SLC25A19: variants seen among roughly 807,000 people sequenced by gnomAD.
The protein encoded by SLC25A19 is mitochondrial thiamine pyrophosphate carrier.
A neutral mutation model predicts 27.9 loss-of-function variants in SLC25A19; 18 were observed. The ratio of observed to expected loss-of-function variants is 0.64; its 90% CI spans 0.45 to 0.96. The LOEUF (loss-of-function observed/expected upper bound fraction) is 0.96, where lower values mean the gene tolerates loss of function less well. SLC25A19 is among the 40% of genes least tolerant of loss of function. The pLI, the probability that SLC25A19 is intolerant of heterozygous loss-of-function variation, is 0.00. For synonymous variants in SLC25A19, 169 were observed against 167.1 expected (o/e 1.01, Z -0.09); for missense variants, 371 against 418.3 (o/e 0.89, Z 0.99).
chr17:75,277,649 G>C (rs898937227), intron 6 of SLC25A19, among the ~76,000 whole-genome samples, 166 bp from the exon 7 acceptor site: 7 of 152,130 alleles, frequency 4.6e-5, no homozygotes, highest in Admixed American at 2.0e-4. Context: ...TGTAATCTAG[G>C]GGGAGAAGAG....
intron 5 of SLC25A19, 25 bp from the exon 6 acceptor site, chr17:75,278,360 T>C (rs751690082): frequency 1.2e-6 from 2 of 1,613,804 alleles, no homozygotes; most frequent in South Asian, 2.2e-5. Flanking sequence ...GCACTTTGAA[T>C]GAGCTCAGTG....
chr17:75,286,835 C>T, intron 2 of SLC25A19, 33 bp from the exon 3 acceptor site: 1 of 1,598,378 alleles, frequency 6.3e-7, no homozygotes. Flanking sequence ...AAACACCAGG[C>T]AAGTTTCTTA....
In SLC25A19 at chr17:75,273,132, T is replaced by C. The variant is rs761864925; in HGVS notation, c.*319A>G. 7.4e-6 allele frequency: 3 copies of C among 402,988 alleles called. No homozygotes were observed. Among genetic ancestry groups the C allele is most frequent in the Non-Finnish European group, 1.4e-5 (3 of 213,502 alleles). 25.0% of individuals were successfully genotyped at this position (402,988 alleles called of 1,614,324 possible). The stretch of plus-strand genomic sequence containing the variant: ...AGACCAGGAGTGTGTTCTGTTCTCC[T>C]GGCAGGCAGGGCTGATAGGTGTAGG... On this transcript the variant is annotated 3_prime_UTR_variant, in exon 8 of 8. Transcript: ENST00000416858.
intron 5 of SLC25A19, among the ~76,000 whole-genome samples, chr17:75,282,825 C>T (rs11656257): frequency 0.94 from 141,623 of 151,354 alleles, 66,757 homozygotes; most frequent in Non-Finnish European, 1. Context: ...CACTCCAGCC[C>T]GGGCGACAGA....
chr17:75,286,394 A>G lies in SLC25A19; in HGVS notation c.198T>C (p.Ser66=), dbSNP rs1253061550. ...GACCCTCCTCCTGCAGAATCTGCCT[A>G]GAGGCCTGGAGGATGCCATGGTACT... The part of the protein sequence containing the change: ...SAKYHGILQA[S]RQILQEEGPT... Residue 66 remains serine, a synonymous_variant, in exon 4 of 8, where the codon TCT becomes TCC. Coordinates refer to ENST00000416858, the MANE Select transcript of SLC25A19 (RefSeq NM_001126121.2). 3 of 1,614,096 alleles carry G rather than the reference A, an allele frequency of 1.9e-6. No individual in the cohort carries two copies.
chr17:75,286,367 C>T lies in SLC25A19; in HGVS notation c.225G>A (p.Pro75=), dbSNP rs150239035. ...GGACGTGTCCTTTCCAGAAAGCTGT[C>T]GGACCCTCCTCCTGCAGAATCTGCC... ...ASRQILQEEG[P]TAFWKGHVPA... is the part of the protein sequence containing the mutation. Residue 75 remains proline (P), a synonymous_variant, in exon 4 of 8, where the codon CCG becomes CCA. Coordinates refer to ENST00000416858, the MANE Select transcript of SLC25A19 (RefSeq NM_001126121.2). The T allele has an allele frequency of 1.7e-5, 28 of 1,614,012 alleles. No individual in the cohort carries two copies. The highest frequency in any genetic ancestry group is 3.3e-4 in the Middle Eastern group (2 of 6,084).
chr17:75,283,143 CA>C (rs1004930302), intron 5 of SLC25A19, among the ~76,000 whole-genome samples: 51 of 149,444 alleles, frequency 3.4e-4, no homozygotes, highest in African/African-American at 1.2e-3. Flanking sequence ...ACTAAAAATA[CA>C]AAAAAAATTA....
At chr17:75,286,836 A>C in intron 2 of SLC25A19, 34 bp from the exon 3 acceptor site, 1 of 1,596,782 alleles carries the variant, frequency 6.3e-7, no homozygotes, top group Non-Finnish European at 8.6e-7. Flanking sequence ...AACACCAGGC[A>C]AGTTTCTTAT....
chr17:75,279,505 T>TC (rs1454402362), intron 5 of SLC25A19, among the ~76,000 whole-genome samples: 1 of 112,764 alleles, frequency 8.9e-6, no homozygotes, highest in Non-Finnish European at 1.8e-5. Flanking sequence ...TATGCTATTA[T>TC]CTTTTTTTTT....
intron 5 of SLC25A19, among the ~76,000 whole-genome samples, chr17:75,281,373 C>T (rs1310362316): frequency 6.6e-6 from 1 of 152,150 alleles, no homozygotes; most frequent in Non-Finnish European, 1.5e-5. Context: ...TATCCCATTT[C>T]CACCAGCCCA....
chr17:75,286,636 G>A lies in SLC25A19; in HGVS notation c.129C>T (p.Phe43=), dbSNP rs1390378417. ...ISPFDVIKIR[F]QLQHERLSRS... ...CATGGAAAAAGGGGAAGAGTACCTG[G>A]AAACGGATCTTGATGACGTCGAAGG... is the stretch of plus-strand genomic sequence containing the variant. The change falls in exon 3 of 8, where the codon TTC becomes TTT. Residue 43 remains phenylalanine (F), a synonymous_variant. Coordinates refer to ENST00000416858, the MANE Select transcript of SLC25A19 (RefSeq NM_001126121.2). The A allele has an allele frequency of 6.2e-7, 1 of 1,614,182 alleles. No individual in the cohort carries two copies. The highest frequency in any genetic ancestry group is 8.5e-7 in the Non-Finnish European group (1 of 1,180,048).
intron 4 of SLC25A19, among the ~76,000 whole-genome samples, chr17:75,284,932 C>G (rs937873072): frequency 1.3e-5 from 2 of 150,972 alleles, no homozygotes; most frequent in East Asian, 3.9e-4. Flanking sequence ...CATGAGCCAC[C>G]GAGCTTGGCC....
chr17:75,278,870 C>A (rs1420030579), intron 5 of SLC25A19, among the ~76,000 whole-genome samples: 3 of 151,866 alleles, frequency 2.0e-5, no homozygotes, highest in African/African-American at 7.3e-5. Context: ...GTAATCCCAG[C>A]TTCTTGGGAG....
In SLC25A19 at chr17:75,273,220, T is replaced by C. The variant is rs1239958020; in HGVS notation, c.*231A>G. 3.6e-6 allele frequency: 2 copies of C among 562,882 alleles called. No homozygotes were observed. The highest frequency in any genetic ancestry group is 3.0e-5 in the East Asian group (1 of 32,940). 34.9% of individuals were successfully genotyped at this position (562,882 alleles called of 1,614,324 possible). On this transcript the variant is annotated 3_prime_UTR_variant, in exon 8 of 8. Coordinates refer to ENST00000416858, the MANE Select transcript of SLC25A19 (RefSeq NM_001126121.2). ...GGAGAAACAGCAACTTCCTGCTCCT[T>C]CTCACTGTGTCGTTGGCTCACCATA...
intron 4 of SLC25A19, among the ~76,000 whole-genome samples, chr17:75,285,455 G>A (rs1472915596): frequency 1.3e-5 from 2 of 152,166 alleles, no homozygotes; most frequent in Admixed American, 6.5e-5. Context: ...GTATTTATTC[G>A]TCATGCTGCA....
intron 5 of SLC25A19, among the ~76,000 whole-genome samples, chr17:75,282,048 C>T (rs1359423983): frequency 6.8e-6 from 1 of 147,210 alleles, no homozygotes; most frequent in Admixed American, 6.7e-5. Context: ...GGCGGGCAGA[C>T]GGCTTGAGCT....
intron 2 of SLC25A19, 57 bp from the exon 3 acceptor site, chr17:75,286,859 A>G (rs2078197397): frequency 2.0e-6 from 3 of 1,511,412 alleles, no homozygotes; most frequent in African/African-American, 1.4e-5. Context: ...TCTCTGCTCA[A>G]ATATCACCTC....
Position 75,273,361 on chromosome 17 carries a change from G to A in SLC25A19, c.*90C>T. Reference sequence around the variant, plus strand: ...CCCGCTTGGGGCAGCTGGCCTGCAGGGAAGGGCCAGACGGCACCTCTCAGT... The same window carrying A: ...CCCGCTTGGGGCAGCTGGCCTGCAGAGAAGGGCCAGACGGCACCTCTCAGT... On this transcript the variant is annotated 3_prime_UTR_variant, in exon 8 of 8. Transcript: ENST00000416858. 1 of 1,447,778 alleles carries A rather than the reference G, an allele frequency of 6.9e-7. No homozygotes were observed. The highest frequency in any genetic ancestry group is 9.4e-7 in the Non-Finnish European group (1 of 1,062,770). 89.7% of individuals were successfully genotyped at this position (1,447,778 alleles called of 1,614,324 possible).
chr17:75,281,589 C>G (rs1253167116), intron 5 of SLC25A19, among the ~76,000 whole-genome samples: 4 of 151,962 alleles, frequency 2.6e-5, no homozygotes, highest in African/African-American at 9.7e-5. Flanking sequence ...CCCAGCTACT[C>G]AGGAGGCTGA....
Sources: gnomAD v4.1 joint callset for allele counts (sites outside exome capture counted in the v4.1 genomes callset) on GRCh38, gnomAD v4.1.1 for gene constraint, MANE v1.5 for transcripts, NCBI Gene and HGNC (gene_info 2026-07-23, HGNC 2026-07-21) for gene names.